Variants in PRKCA observed in about 807,000 individuals in gnomAD.
PRKCA encodes protein kinase C alpha, also known as protein kinase C alpha type.
In PRKCA, 27 loss-of-function variants were observed where a neutral mutation model predicts 87.0. The observed-to-expected ratio is 0.31, with a 90% CI of 0.23 to 0.43. The LOEUF is 0.43. Ranked by LOEUF, PRKCA falls within the 20% of genes least tolerant of loss-of-function variation. The pLI, the probability that PRKCA is intolerant of heterozygous loss-of-function variation, is 1.00. For missense variants in PRKCA, 518 were observed against 852.3 expected, an observed-to-expected ratio of 0.61 and a Z score of 4.88; for synonymous variants, 329 against 311.1, an observed-to-expected ratio of 1.06 and a Z score of -0.61.
chr17:66,405,308 T>C (rs1265133027), intron 2 of PRKCA, among the ~76,000 whole-genome samples: 1 of 152,220 alleles, frequency 6.6e-6, no homozygotes, highest in East Asian at 1.9e-4. Context: ...AACCCAGAGT[T>C]TTCTGCTCAC....
At position 66,775,550 on chromosome 17, in the gene PRKCA, G is replaced by A. The variant is rs549551539; in HGVS notation, c.1605+1483G>A. ...GCCTTATACTAAACATGATTCTGCC[G>A]TGGGCAGCTTTTTATAATTCCCAGC... On this transcript the variant is annotated intron_variant, in intron 14 of 16. Coordinates refer to ENST00000413366, the MANE Select transcript of PRKCA (RefSeq NM_002737.3). 89 of 985,354 alleles carry A rather than the reference G, an allele frequency of 9.0e-5. 1 individual carries two copies. The highest frequency in any genetic ancestry group is 4.6e-4 in the East Asian group (4 of 8,790). 61.0% of individuals were successfully genotyped at this position (985,354 alleles called of 1,614,324 possible).
intron 3 of PRKCA, among the ~76,000 whole-genome samples, chr17:66,627,743 G>T (rs1350954513): frequency 6.6e-6 from 1 of 152,164 alleles, no homozygotes; most frequent in Non-Finnish European, 1.5e-5. Context: ...CTTCTGGCAG[G>T]TTCTCCTGTT....
intron 5 of PRKCA, among the ~76,000 whole-genome samples, chr17:66,660,612 G>A (rs1009567673): frequency 7.2e-5 from 11 of 152,102 alleles, no homozygotes; most frequent in East Asian, 1.9e-4. Context: ...AAAACCGGCC[G>A]GGCGCGATGG....
At chr17:66,701,465 C>A in intron 8 of PRKCA, among the ~76,000 whole-genome samples, 1 of 152,004 alleles carries the variant, frequency 6.6e-6, no homozygotes, top group East Asian at 1.9e-4. Context: ...CTACATCAAA[C>A]TAAAAAGTTT....
At chr17:66,334,518 G>A (rs1000896435) in intron 2 of PRKCA, among the ~76,000 whole-genome samples, 2 of 152,176 alleles carry the variant, frequency 1.3e-5, no homozygotes, top group Non-Finnish European at 2.9e-5. Flanking sequence ...CAATAAGCAC[G>A]TGAGGAGATG....
intron 3 of PRKCA, among the ~76,000 whole-genome samples, chr17:66,640,592 A>G (rs569445310): frequency 6.6e-6 from 1 of 152,162 alleles, no homozygotes; most frequent in Non-Finnish European, 1.5e-5. Flanking sequence ...TTCGCAGTGT[A>G]TTGTATTTCT....
intron 12 of PRKCA, among the ~76,000 whole-genome samples, chr17:66,742,159 C>A (rs1974170980): frequency 6.6e-6 from 1 of 152,194 alleles, no homozygotes; most frequent in African/African-American, 2.4e-5. Context: ...GGAAGAATTT[C>A]TTCCAGTATT....
chr17:66,380,209 G>GTT (rs1036374664), intron 2 of PRKCA, among the ~76,000 whole-genome samples: 3 of 143,178 alleles, frequency 2.1e-5, no homozygotes, highest in Admixed American at 7.0e-5. Context: ...GCTTCATAGG[G>GTT]TTTTTTTTTT....
intron 14 of PRKCA, among the ~76,000 whole-genome samples, chr17:66,780,567 T>C (rs28403544): frequency 0.093 from 14,114 of 151,886 alleles, 781 homozygotes; most frequent in African/African-American, 0.15. Context: ...TCCCAGCTAC[T>C]CAGGAGGCTG....
At chr17:66,771,674 C>T (rs568959497) in intron 13 of PRKCA, among the ~76,000 whole-genome samples, 8 of 152,180 alleles carry the variant, frequency 5.3e-5, no homozygotes, top group Non-Finnish European at 1.0e-4. Context: ...TGGCTCATTG[C>T]AACCTCCACC....
intron 3 of PRKCA, among the ~76,000 whole-genome samples, chr17:66,595,479 T>TTTTTTTTTTTTA (rs1969946464): frequency 3.6e-5 from 5 of 139,124 alleles, no homozygotes; most frequent in African/African-American, 5.6e-5. Flanking sequence ...TTTTTTTTTT[T>TTTTTTTTTTTTA]GAGACAGTCT....
chr17:66,418,995 C>T (rs1413982678), intron 2 of PRKCA, among the ~76,000 whole-genome samples: 1 of 151,386 alleles, frequency 6.6e-6, no homozygotes, highest in African/African-American at 2.4e-5. Flanking sequence ...CTCCTGACCT[C>T]GTGATCGCCC....
At chr17:66,467,214 A>G (rs1915126231) in intron 2 of PRKCA, among the ~76,000 whole-genome samples, 1 of 152,192 alleles carries the variant, frequency 6.6e-6, no homozygotes, top group Admixed American at 6.5e-5. Flanking sequence ...CATTTAGGCC[A>G]TGGCATGGTA....
chr17:66,551,294 G>T (rs1290802525), intron 3 of PRKCA, among the ~76,000 whole-genome samples: 28 of 152,174 alleles, frequency 1.8e-4, no homozygotes, highest in Admixed American at 1.8e-3. Context: ...GCATCTTTGG[G>T]TCAGAAATTG....
intron 3 of PRKCA, among the ~76,000 whole-genome samples, chr17:66,589,594 G>A (rs993605638): frequency 6.6e-6 from 1 of 152,168 alleles, no homozygotes; most frequent in African/African-American, 2.4e-5. Context: ...TCTAAGACCT[G>A]GAATTGCAGG....
chr17:66,540,531 G>A (rs752091566), intron 3 of PRKCA, among the ~76,000 whole-genome samples: 28 of 152,304 alleles, frequency 1.8e-4, no homozygotes, highest in African/African-American at 3.4e-4. Context: ...GCTGCCGTGC[G>A]GGGGCTGCAG....
chr17:66,779,445 C>T (rs2144353502), intron 14 of PRKCA, among the ~76,000 whole-genome samples: 1 of 152,246 alleles, frequency 6.6e-6, no homozygotes, highest in Admixed American at 6.5e-5. Context: ...GACCAGCCCT[C>T]TCCTTATGCC....
intron 3 of PRKCA, among the ~76,000 whole-genome samples, chr17:66,624,570 G>A (rs1026642913): frequency 6.6e-6 from 1 of 152,160 alleles, no homozygotes; most frequent in Non-Finnish European, 1.5e-5. Context: ...GGAGGCCAAG[G>A]TGGGTGGATC....
chr17:66,495,821 G>A (rs938528426), intron 2 of PRKCA, among the ~76,000 whole-genome samples: 3 of 151,890 alleles, frequency 2.0e-5, no homozygotes, highest in Admixed American at 2.0e-4. Flanking sequence ...TACCTGCCTC[G>A]GCCTCCCAAA....
Sources: allele counts gnomAD v4.1 joint callset (sites outside exome capture counted in the v4.1 genomes callset), GRCh38; gene constraint gnomAD v4.1.1; transcripts MANE v1.5; gene names NCBI Gene and HGNC (gene_info 2026-07-23, HGNC 2026-07-21).